Variants in PPARA observed in about 807,000 individuals in gnomAD.
PPARA encodes peroxisome proliferator activated receptor alpha.
Under a neutral mutation model 42.2 loss-of-function variants are expected in PPARA, and 22 were observed. The observed-to-expected ratio is 0.52, with a 90% CI of 0.37 to 0.74. PPARA has a LOEUF of 0.74. Among genes scored for constraint, PPARA ranks in the 30% least tolerant of loss-of-function variants. The probability of loss-of-function intolerance (pLI) is 0.00; values close to 1 mark genes in which losing one functional copy is unlikely to be tolerated. For missense variants in PPARA, 465 were observed against 608.2 expected (o/e 0.76, Z 2.48); for synonymous variants, 242 against 239.3 (o/e 1.01, Z -0.10).
At chr22:46,176,111 C>G (rs945818591) in intron 2 of PPARA, 3 of 152,206 alleles carry the variant, frequency 2.0e-5, no homozygotes, top group African/African-American at 7.2e-5. Context: ...TGTACTCCAG[C>G]CTGGGCAACA....
At chr22:46,157,565 G>C (rs1925508298) in intron 2 of PPARA, among the ~76,000 whole-genome samples, 1 of 152,178 alleles carries the variant, frequency 6.6e-6, no homozygotes, top group African/African-American at 2.4e-5. Flanking sequence ...CACTAGATTT[G>C]GGGTATATTA....
At position 46,211,947 on chromosome 22, in the gene PPARA, C is replaced by T. The variant is rs1933977454; in HGVS notation, c.209-3226C>T. Among the ~76,000 whole-genome samples the T allele has an allele frequency of 6.6e-6, 1 of 152,066 alleles. No homozygotes were observed. Among genetic ancestry groups the T allele is most frequent in the Non-Finnish European group, 1.5e-5 (1 of 68,002 alleles). On this transcript the variant is annotated intron_variant, in intron 4 of 8. Coordinates refer to ENST00000407236, the MANE Select transcript of PPARA (RefSeq NM_005036.6). This position sits in a 1 kb window ranked among gnomAD's most constrained non-coding sequence, Gnocchi z 4.1. ...GACCTTGTGATCCACCTACCTCGGCCTCCCAAAGTGTTGGGATTACAGGCG... is the reference window on the plus strand; with the variant it reads ...GACCTTGTGATCCACCTACCTCGGCTTCCCAAAGTGTTGGGATTACAGGCG...
chr22:46,228,843 G>T (rs546067875), intron 7 of PPARA, among the ~76,000 whole-genome samples: 1 of 152,064 alleles, frequency 6.6e-6, no homozygotes, highest in Admixed American at 6.6e-5. Flanking sequence ...GGTGGCTCAC[G>T]CCTGTAATCC....
intron 2 of PPARA, among the ~76,000 whole-genome samples, chr22:46,172,367 G>A (rs1055141868): frequency 1.3e-5 from 2 of 149,908 alleles, no homozygotes. Flanking sequence ...AGTGGCTCAC[G>A]CCTGTAATCC....
chr22:46,225,191 A>T lies in PPARA; in HGVS notation c.711+5177A>T, dbSNP rs573734062. Reference sequence around the variant, plus strand: ...GGAGAATGTCTGTGTCCATCTGGACACTGGGACTGTTTGAGCCCCTGAGAT... The same window carrying T: ...GGAGAATGTCTGTGTCCATCTGGACTCTGGGACTGTTTGAGCCCCTGAGAT... On this transcript the variant is annotated intron_variant, in intron 7 of 8. Coordinates refer to ENST00000407236, the MANE Select transcript of PPARA (RefSeq NM_005036.6). This position sits in a 1 kb window ranked among gnomAD's most constrained non-coding sequence, Gnocchi z 4.1. Among the ~76,000 whole-genome samples the T allele has an allele frequency of 1.5e-4, 23 of 152,256 alleles. No homozygotes were observed. Among genetic ancestry groups the T allele is most frequent in the African/African-American group, 5.5e-4 (23 of 41,548 alleles).
At chr22:46,186,290 G>C (rs575517314) in intron 3 of PPARA, among the ~76,000 whole-genome samples, 6 of 151,956 alleles carry the variant, frequency 3.9e-5, no homozygotes, top group African/African-American at 1.4e-4. Context: ...TACTTGTAAG[G>C]TCTCACATAA....
chr22:46,177,902 T>C lies in PPARA; in HGVS notation c.-43+1066T>C, dbSNP rs537219031. ...AATCTTGGGTATTTACCCAAAGAGG[T>C]ATAGCAGAGTCTCAGGTATATACTC... is the stretch of plus-strand genomic sequence containing the variant. On this transcript the variant is annotated intron_variant, in intron 3 of 8. Transcript: ENST00000407236. Among the ~76,000 whole-genome samples, 4 of 152,224 alleles carry C rather than the reference T, an allele frequency of 2.6e-5. No homozygotes were observed. In the South Asian group the frequency reaches 8.3e-4, roughly 32 times the overall value.
rs376174372 is a variant in PPARA at position 46,231,932 on chromosome 22, C to G, written c.852C>G (p.Val284=). The G allele has an allele frequency of 2.8e-5, 45 of 1,614,224 alleles. No homozygotes were observed. In the African/African-American group the frequency reaches 5.9e-4, roughly 21 times the overall value. ...GCCAGTGCACGTCAGTGGAGACCGT[C>G]ACGGAGCTCACGGAATTCGCCAAGG... is the stretch of plus-strand genomic sequence containing the variant. The part of the protein sequence containing the change: ...HCCQCTSVET[V]TELTEFAKAI... Residue 284 remains valine (V), a synonymous_variant, in exon 8 of 9, where the codon GTC becomes GTG. Coordinates refer to ENST00000407236, the MANE Select transcript of PPARA (RefSeq NM_005036.6). This position sits in a 1 kb window ranked among gnomAD's most constrained non-coding sequence, Gnocchi z 7.7.
intron 7 of PPARA, among the ~76,000 whole-genome samples, chr22:46,228,921 G>A (rs1018598863): frequency 6.6e-6 from 1 of 151,738 alleles, no homozygotes; most frequent in Non-Finnish European, 1.5e-5. Context: ...TGGCTAACAC[G>A]GTGAAACCCC....
rs1406362831 is a variant in PPARA at position 46,230,094 on chromosome 22, G to A, written c.712-1698G>A. On this transcript the variant is annotated intron_variant, in intron 7 of 8. Coordinates refer to ENST00000407236, the MANE Select transcript of PPARA (RefSeq NM_005036.6). This position sits in a 1 kb window ranked among gnomAD's most constrained non-coding sequence, Gnocchi z 5.0. ...GTGATTAGAAATAACGCTGTAGGCCGGGCGCGGTGGCTCACCCCTGTAATC... is the reference window on the plus strand; with the variant it reads ...GTGATTAGAAATAACGCTGTAGGCCAGGCGCGGTGGCTCACCCCTGTAATC... Among the ~76,000 whole-genome samples, 1 of 152,202 alleles carries A rather than the reference G, an allele frequency of 6.6e-6. No homozygotes were observed. The highest frequency in any genetic ancestry group is 1.5e-5 in the Non-Finnish European group (1 of 68,032).
rs762274909 is a variant in PPARA at position 46,215,173 on chromosome 22, A to G, written c.209A>G (p.Asp70Gly). 1.2e-6 allele frequency: 2 copies of G among 1,613,634 alleles called. No homozygotes were observed. Among genetic ancestry groups the G allele is most frequent in the South Asian group, 1.1e-5 (1 of 91,060 alleles). Reference sequence around the variant, plus strand: ...ATCCGTCTCTCCTCTTTTTCCCCAGACACGCTTTCACCAGCTTCGAGCCCC... The same window carrying G: ...ATCCGTCTCTCCTCTTTTTCCCCAGGCACGCTTTCACCAGCTTCGAGCCCC... ...CPGSDGSVIT[D>G]TLSPASSPSS... is the part of the protein sequence containing the mutation. The change falls in exon 5 of 9, where the codon GAC becomes GGC. Residue 70 changes from aspartate to glycine, a missense_variant and splice_region_variant. Physicochemically the swap from Asp to Gly is moderately conservative, Grantham distance 94. Coordinates refer to ENST00000407236, the MANE Select transcript of PPARA (RefSeq NM_005036.6).
chr22:46,153,163 C>CTTTTTTTTTTTT (rs996863467), intron 2 of PPARA, among the ~76,000 whole-genome samples: 7 of 109,220 alleles, frequency 6.4e-5, no homozygotes, highest in African/African-American at 2.2e-4. Context: ...TTCCCACATC[C>CTTTTTTTTTTTT]TTTTTTTTTT....
At position 46,175,309 on chromosome 22, in the gene PPARA, C is replaced by G. The variant is rs151209636; in HGVS notation, c.-126-1444C>G. Among the ~76,000 whole-genome samples the G allele has an allele frequency of 7.2e-5, 11 of 152,312 alleles. No homozygotes were observed. The East Asian group carries it at 1.7e-3, about 24-fold the overall frequency. ...ATCAAGATACATAATGTTTCCATCA[C>G]CAATCAGTGGTCATGGTGCCTTTTA... is the stretch of plus-strand genomic sequence containing the variant. On this transcript the variant is annotated intron_variant, in intron 2 of 8. Coordinates refer to ENST00000407236, the MANE Select transcript of PPARA (RefSeq NM_005036.6).
At chr22:46,168,351 CAAAAAAAAA>C (rs35345592) in intron 2 of PPARA, among the ~76,000 whole-genome samples, 8 of 14,382 alleles carry the variant, frequency 5.6e-4, no homozygotes, top group Non-Finnish European at 8.3e-4. Flanking sequence ...GACTCCATCT[CAAAAAAAAA>C]AAAAAAAAAA....
Position 46,231,905 on chromosome 22 carries a change from C to T in PPARA, c.825C>T (p.Cys275=). 1 of 1,614,180 alleles carries T rather than the reference C, an allele frequency of 6.2e-7. No homozygotes were observed. Among genetic ancestry groups the T allele is most frequent in the South Asian group, 1.1e-5 (1 of 91,086 alleles). ...NKEAEVRIFH[C]CQCTSVETVT... ...AGGCGGAGGTCCGCATCTTTCACTG[C>T]TGCCAGTGCACGTCAGTGGAGACCG... is the stretch of plus-strand genomic sequence containing the variant. Residue 275 remains cysteine, a synonymous_variant, in exon 8 of 9, where the codon TGC becomes TGT. Coordinates refer to ENST00000407236, the MANE Select transcript of PPARA (RefSeq NM_005036.6). The surrounding 1 kb of genome is among the most constrained non-coding windows in gnomAD (Gnocchi z 7.7).
rs767077397 is a variant in PPARA, at chr22:46,183,067, A to G, written c.-43+6231A>G. ...GCCCATAAAGCTGTCTTTTAAATGA[A>G]AAAAAGTTGTCTTGAAATAAGCATT... On this transcript the variant is annotated intron_variant, in intron 3 of 8. Coordinates refer to ENST00000407236, the MANE Select transcript of PPARA (RefSeq NM_005036.6). This position sits in a 1 kb window ranked among gnomAD's most constrained non-coding sequence, Gnocchi z 5.5. 9.2e-5 allele frequency among the ~76,000 whole-genome samples: 14 copies of G among 152,198 alleles called. No individual in the cohort carries two copies. Among genetic ancestry groups the G allele is most frequent in the Admixed American group, 3.3e-4 (5 of 15,272 alleles).
In PPARA at chr22:46,184,838, G is replaced by C. The variant is rs932306492; in HGVS notation, c.-43+8002G>C. ...TCACTGCACTCCAGCCTACGCGACA[G>C]AGCAAGACTCCGTCTCAAAAAACAA... is the stretch of plus-strand genomic sequence containing the variant. On this transcript the variant is annotated intron_variant, in intron 3 of 8. Transcript: ENST00000407236. The surrounding 1 kb of genome is among the most constrained non-coding windows in gnomAD (Gnocchi z 4.4). Among the ~76,000 whole-genome samples, 2 of 152,212 alleles carry C rather than the reference G, an allele frequency of 1.3e-5. No homozygotes were observed. Among genetic ancestry groups the C allele is most frequent in the Admixed American group, 1.3e-4 (2 of 15,284 alleles).
chr22:46,172,556 T>C (rs1453298476), intron 2 of PPARA, among the ~76,000 whole-genome samples: 1 of 152,084 alleles, frequency 6.6e-6, no homozygotes, highest in Admixed American at 6.6e-5. Context: ...AGGTGGATGT[T>C]GCTGTGAGCT....
In PPARA at chr22:46,242,731, G is replaced by GCGCGCGCGCGCACA. The variant is rs10643430; in HGVS notation, c.*7352_*7353insGCGCGCGCGCACAC. On this transcript the variant is annotated 3_prime_UTR_variant, in exon 9 of 9. Transcript: ENST00000407236. The surrounding 1 kb of genome is among the most constrained non-coding windows in gnomAD (Gnocchi z 6.1). ...AAATACACTGCGTACACGTGTGCGT[G>GCGCGCGCGCGCACA]CACACACACACACACACACACACAC... The GCGCGCGCGCGCACA allele has an allele frequency of 2.9e-4, 39 of 132,820 alleles. No individual in the cohort carries two copies. The highest frequency in any genetic ancestry group is 8.8e-4 in the African/African-American group (35 of 39,976). 8.2% of individuals were successfully genotyped at this position (132,820 alleles called of 1,614,324 possible).
Sources: allele counts gnomAD v4.1 joint callset (sites outside exome capture counted in the v4.1 genomes callset), GRCh38; gene constraint gnomAD v4.1.1; non-coding constraint Gnocchi (gnomAD v3.1); transcripts MANE v1.5; gene names NCBI Gene and HGNC (gene_info 2026-07-23, HGNC 2026-07-21).